Variants in B3GALNT2 observed in about 807,000 individuals in gnomAD.
B3GALNT2 encodes the protein UDP-GalNAc:beta-1,3-N-acetylgalactosaminyltransferase 2.
B3GALNT2 carries 53 observed loss-of-function variants against 61.1 expected under a neutral mutation model. The observed-to-expected ratio is 0.87, with a 90% CI of 0.70 to 1.09. B3GALNT2 has a LOEUF of 1.09. B3GALNT2 is among the 50% of genes least tolerant of loss of function. B3GALNT2 has a pLI of 0.00. For synonymous variants in B3GALNT2, 223 were observed against 237.4 expected (o/e 0.94, Z 0.56); for missense variants, 544 against 623.0 (o/e 0.87, Z 1.35).
chr1:235,466,715 A>G, intron 6 of B3GALNT2, among the ~76,000 whole-genome samples: 1 of 152,184 alleles, frequency 6.6e-6, no homozygotes, highest in East Asian at 1.9e-4. Flanking sequence ...AGTCCTTTCT[A>G]CTTCTTAGAA....
At chr1:235,468,450 C>CTTTT (rs58494716) in intron 6 of B3GALNT2, among the ~76,000 whole-genome samples, 9 of 87,386 alleles carry the variant, frequency 1.0e-4, no homozygotes, top group Non-Finnish European at 1.7e-4. Context: ...AGAAACCTAC[C>CTTTT]TTTTTTTTTT....
At chr1:235,446,729 T>TGTTA (rs1432719272), downstream of B3GALNT2, among the ~76,000 whole-genome samples, 1 of 151,872 alleles carries the variant, frequency 6.6e-6, no homozygotes, top group Admixed American at 6.6e-5. Context: ...GTTCTCACTT[T>TGTTA]GTTACCCAGG....
chr1:235,453,413 G>C (rs1683019992), intron 10 of B3GALNT2, among the ~76,000 whole-genome samples: 1 of 151,642 alleles, frequency 6.6e-6, no homozygotes, highest in Admixed American at 6.6e-5. Flanking sequence ...AGCACTTAGG[G>C]CTTCCTCCTT....
chr1:235,483,037 T>A (rs924909202), intron 4 of B3GALNT2, among the ~76,000 whole-genome samples: 4 of 151,980 alleles, frequency 2.6e-5, no homozygotes, highest in Admixed American at 2.0e-4. Context: ...AATGAACACA[T>A]AGGAAATTTT....
chr1:235,489,994 C>T (rs1265349972), intron 2 of B3GALNT2, among the ~76,000 whole-genome samples: 3 of 152,168 alleles, frequency 2.0e-5, no homozygotes, highest in Non-Finnish European at 4.4e-5. Context: ...GGTTTCTCTA[C>T]GGCTTAATAC....
intron 1 of B3GALNT2, among the ~76,000 whole-genome samples, chr1:235,500,101 C>T (rs1685519531): frequency 6.6e-6 from 1 of 152,146 alleles, no homozygotes; most frequent in Admixed American, 6.5e-5. Context: ...TGAGACCCTA[C>T]AGTAAGAACT....
chr1:235,493,839 T>A (rs1685190139), intron 2 of B3GALNT2, among the ~76,000 whole-genome samples: 1 of 152,156 alleles, frequency 6.6e-6, no homozygotes, highest in South Asian at 2.1e-4. Flanking sequence ...AATGTGCCAG[T>A]GCAATTCAAT....
rs759673407 is a variant in B3GALNT2 at position 235,447,959 on chromosome 1, C to G, written c.*2247G>C. ...AGGCGCTGGGCTCATGCTTGTAATCCCAGCACTTTGGGGGGCCAGGGCGGG... is the reference window on the plus strand; with the variant it reads ...AGGCGCTGGGCTCATGCTTGTAATCGCAGCACTTTGGGGGGCCAGGGCGGG... On this transcript the variant is annotated 3_prime_UTR_variant, in exon 12 of 12. Transcript: ENST00000366600. 6.6e-6 allele frequency among the ~76,000 whole-genome samples: 1 copy of G among 151,876 alleles called. No individual in the cohort carries two copies. The highest frequency in any genetic ancestry group is 2.1e-4 in the South Asian group (1 of 4,818).
chr1:235,480,601 A>C (rs1372568624), intron 4 of B3GALNT2, among the ~76,000 whole-genome samples: 1 of 152,034 alleles, frequency 6.6e-6, no homozygotes, highest in African/African-American at 2.4e-5. Flanking sequence ...AAAACAAAAA[A>C]GGGAATATAA....
At chr1:235,440,113 G>A in the B3GALNT2 span, among the ~76,000 whole-genome samples, 2 of 152,102 alleles carry the variant, frequency 1.3e-5, no homozygotes, top group Non-Finnish European at 2.9e-5. Flanking sequence ...TGGGACTACA[G>A]GCGCCCACCA....
intron 1 of B3GALNT2, among the ~76,000 whole-genome samples, chr1:235,503,796 C>A (rs181158271): frequency 3.9e-5 from 6 of 152,276 alleles, no homozygotes; most frequent in Non-Finnish European, 5.9e-5. Context: ...AAAGCGCTGG[C>A]GGCTGAAGGG....
chr1:235,457,424 C>T (rs1299729922), intron 8 of B3GALNT2, among the ~76,000 whole-genome samples: 1 of 152,030 alleles, frequency 6.6e-6, no homozygotes, highest in African/African-American at 2.4e-5. Context: ...ACAGACAGTA[C>T]CAGGAAACTC....
intron 5 of B3GALNT2, among the ~76,000 whole-genome samples, chr1:235,475,718 A>T (rs543119427): frequency 6.6e-6 from 1 of 152,338 alleles, no homozygotes; most frequent in Non-Finnish European, 1.5e-5. Context: ...CTATTATATA[A>T]AGCTAATATA....
At chr1:235,474,987 A>ATATTTTTTTT (rs1180244284) in intron 5 of B3GALNT2, among the ~76,000 whole-genome samples, 6 of 35,574 alleles carry the variant, frequency 1.7e-4, no homozygotes, top group Non-Finnish European at 2.4e-4. Context: ...ATATATATAT[A>ATATTTTTTTT]TTTTTTTTTT....
At chr1:235,455,504 T>C in intron 9 of B3GALNT2, 55 bp downstream of exon 9, 1 of 1,551,666 alleles carries the variant, frequency 6.4e-7, no homozygotes, top group Non-Finnish European at 8.8e-7. Flanking sequence ...TATGCTTTAT[T>C]AATTACATTT....
intron 2 of B3GALNT2, among the ~76,000 whole-genome samples, chr1:235,493,692 C>T (rs188768711): frequency 1.8e-4 from 27 of 152,038 alleles, no homozygotes; most frequent in African/African-American, 6.0e-4. Context: ...GCAGGAGAAT[C>T]GCTTGAACCC....
In B3GALNT2 at chr1:235,448,543, A is replaced by T; in HGVS notation, c.*1663T>A. 1 of 1,392,592 alleles carries T rather than the reference A, an allele frequency of 7.2e-7. No homozygotes were observed. Among genetic ancestry groups the T allele is most frequent in the Non-Finnish European group, 1.0e-6 (1 of 978,614 alleles). 86.3% of individuals were successfully genotyped at this position (1,392,592 alleles called of 1,614,324 possible). A position where few individuals can be genotyped will look rare whatever the true frequency, so the allele number is the denominator to read the frequency against. On this transcript the variant is annotated 3_prime_UTR_variant, in exon 12 of 12. Transcript: ENST00000366600. Reference sequence around the variant, plus strand: ...AACAGTTTGATTCTAAATGGAGACCATGGGTCTGTTTGTTTGATTTTAAGG... The same window carrying T: ...AACAGTTTGATTCTAAATGGAGACCTTGGGTCTGTTTGTTTGATTTTAAGG...
In B3GALNT2 at chr1:235,447,887, A is replaced by C. The variant is rs942939580; in HGVS notation, c.*2319T>G. On this transcript the variant is annotated 3_prime_UTR_variant, in exon 12 of 12. Transcript: ENST00000366600. ...GGTACAAGACTCAGGCTTTCCCCTA[A>C]TTACTTACTTGGGTAAAGTGACTTG... Among the ~76,000 whole-genome samples the C allele has an allele frequency of 1.3e-5, 2 of 151,858 alleles. No homozygotes were observed. The highest frequency in any genetic ancestry group is 2.4e-5 in the African/African-American group (1 of 41,162).
downstream of B3GALNT2, chr1:235,443,069 C>T: frequency 2.7e-6 from 2 of 727,578 alleles, no homozygotes; most frequent in Non-Finnish European, 4.7e-6. Context: ...ATCAATCATG[C>T]TAATATCACT....
Sources: allele counts gnomAD v4.1 joint callset (sites outside exome capture counted in the v4.1 genomes callset), GRCh38; gene constraint gnomAD v4.1.1; transcripts MANE v1.5; gene names NCBI Gene and HGNC (gene_info 2026-07-23, HGNC 2026-07-21).